The following GBF1 variants were observed in gnomAD, a reference collection of about 807,000 sequenced individuals.
GBF1 encodes golgi brefeldin A resistant guanine nucleotide exchange factor 1, also known as Golgi-specific brefeldin A-resistance guanine nucleotide exchange factor 1.
A neutral mutation model predicts 210.5 loss-of-function variants in GBF1; 114 were observed. The ratio of observed to expected loss-of-function variants is 0.54; its 90% CI spans 0.47 to 0.63. The LOEUF (loss-of-function observed/expected upper bound fraction) is 0.63. GBF1 is among the 30% of genes least tolerant of loss of function. The pLI is 0.00. For missense variants in GBF1, 1,851 were observed against 2,357.7 expected, an observed-to-expected ratio of 0.79 and a Z score of 4.45; for synonymous variants, 850 against 889.2, an observed-to-expected ratio of 0.96 and a Z score of 0.78.
At chr10:102,377,594 C>T (rs998957449) in intron 33 of GBF1, among the ~76,000 whole-genome samples, 1 of 152,126 alleles carries the variant, frequency 6.6e-6, no homozygotes, top group African/African-American at 2.4e-5. Flanking sequence ...ACCTCGTGAT[C>T]CGCCTGCCTC....
intron 3 of GBF1, among the ~76,000 whole-genome samples, chr10:102,331,693 T>G (rs996493798): frequency 6.6e-6 from 1 of 151,850 alleles, no homozygotes; most frequent in African/African-American, 2.4e-5. Flanking sequence ...GTTGTTGTTG[T>G]CTTTTGAGAC....
In GBF1 at chr10:102,363,625, G is replaced by T. The variant is rs2059738689; in HGVS notation, c.2018-85G>T. On this transcript the variant is annotated intron_variant, in intron 16 of 39. Coordinates refer to ENST00000369983, the MANE Select transcript of GBF1 (RefSeq NM_001377137.1). The surrounding 1 kb of genome is among the most constrained non-coding windows in gnomAD (Gnocchi z 4.2). ...TCTGAGGCTCCTTCTTGAAACTGGG[G>T]AGTATATTGGTGACCTTCCAAAAGT... 1.1e-6 allele frequency: 1 copy of T among 898,394 alleles called. No individual in the cohort carries two copies. The highest frequency in any genetic ancestry group is 1.9e-5 in the Admixed American group (1 of 52,010). The allele number at this position is 898,394 out of a possible 1,614,324, so 55.7% of individuals were successfully genotyped here.
intron 4 of GBF1, among the ~76,000 whole-genome samples, chr10:102,350,359 A>T (rs1328805586): frequency 1.3e-5 from 2 of 152,086 alleles, no homozygotes; most frequent in Non-Finnish European, 2.9e-5. Flanking sequence ...CCAAAAAAAA[A>T]AAAAAAGTCT....
In GBF1 at chr10:102,369,251, A is replaced by G. The variant is rs770696398; in HGVS notation, c.3014A>G (p.Lys1005Arg). The G allele has an allele frequency of 3.1e-6, 5 of 1,613,786 alleles. No homozygotes were observed. The highest frequency in any genetic ancestry group is 4.2e-6 in the Non-Finnish European group (5 of 1,179,700). ...CCCAGTGTATTTGGAAGCAACCCTA[A>G]AGCCCATATTGCAGCCAAGACAGTA... Reference protein sequence around the residue: ...NLPSVFGSNPKAHIAAKTVFH... With the variant: ...NLPSVFGSNPRAHIAAKTVFH... Residue 1005 changes from lysine (K) to arginine (R), a missense_variant, in exon 24 of 40, where the codon AAA becomes AGA. Transcript: ENST00000369983.
intron 3 of GBF1, among the ~76,000 whole-genome samples, chr10:102,327,029 A>G (rs2056954518): frequency 6.6e-6 from 1 of 152,146 alleles, no homozygotes; most frequent in Non-Finnish European, 1.5e-5. Context: ...TAAATGTACC[A>G]CGTCACAGCA....
chr10:102,363,285 G>GT lies in GBF1; in HGVS notation c.1907dup (p.Gly637ArgfsTer28). On this transcript the variant is annotated frameshift_variant, in exon 16 of 40. Transcript: ENST00000369983. LOFTEE classifies it high-confidence loss of function. The surrounding 1 kb of genome is among the most constrained non-coding windows in gnomAD (Gnocchi z 4.2). ...GAGAACTGCCAGCGATGGGAAAGCTGTAGGCATGGCCTCAGACATCCCAGG... is the reference window on the plus strand; with the variant it reads ...GAGAACTGCCAGCGATGGGAAAGCTGTTAGGCATGGCCTCAGACATCCCAGG... 1 of 1,613,720 alleles carries GT rather than the reference G, an allele frequency of 6.2e-7. No homozygotes were observed. Among genetic ancestry groups the GT allele is most frequent in the Non-Finnish European group, 8.5e-7 (1 of 1,179,804 alleles).
At chr10:102,350,028 T>C (rs545380543) in intron 4 of GBF1, among the ~76,000 whole-genome samples, 2 of 152,270 alleles carry the variant, frequency 1.3e-5, no homozygotes, top group East Asian at 3.9e-4. Context: ...CTCGTCGTCA[T>C]ATTATTTTAA....
At chr10:102,372,455 T>A (rs1156391883) in intron 29 of GBF1, among the ~76,000 whole-genome samples, 1 of 151,362 alleles carries the variant, frequency 6.6e-6, no homozygotes, top group Admixed American at 6.6e-5. Context: ...GCAGAGGTTG[T>A]AGTAAGCCAA....
Position 102,292,079 on chromosome 10 carries a change from C to T in GBF1, c.163+31963C>T, listed in dbSNP as rs1170155433. On this transcript the variant is annotated intron_variant, in intron 3 of 39. Coordinates refer to ENST00000369983, the MANE Select transcript of GBF1 (RefSeq NM_001377137.1). ...TAATTTTTTGTATTTTTAGTAGAGA[C>T]GGGGTTTCACTGTGTTAGCCAGGAT... Among the ~76,000 whole-genome samples the T allele has an allele frequency of 4.0e-5, 6 of 151,576 alleles. 1 individual carries two copies. The highest frequency in any genetic ancestry group is 2.0e-4 in the Admixed American group (3 of 15,208).
chr10:102,239,790 G>A, the GBF1 span, among the ~76,000 whole-genome samples: 1 of 152,224 alleles, frequency 6.6e-6, no homozygotes, highest in Non-Finnish European at 1.5e-5. Context: ...TAATTGAGCT[G>A]TGGTTAGAAT....
At position 102,362,547 on chromosome 10, in the gene GBF1, G is replaced by A. The variant is rs1010217845; in HGVS notation, c.1759G>A (p.Asp587Asn). The part of the protein sequence containing the change: ...LSLDALLTVI[D>N]STEAHCQAKV... ...TCTTGATGCCCTATTGACAGTGATT[G>A]ACAGCACCGAGGCCCACTGCCAGGC... is the stretch of plus-strand genomic sequence containing the variant. Residue 587 changes from aspartate (D) to asparagine (N), a missense_variant, in exon 15 of 40, where the codon GAC (aspartate) becomes AAC (asparagine). By Grantham distance (23) the Asp-to-Asn change is conservative (BLOSUM62 1). Transcript: ENST00000369983. The A allele has an allele frequency of 4.3e-6, 7 of 1,613,766 alleles. No individual in the cohort carries two copies. In the African/African-American group the frequency reaches 8.0e-5, roughly 18 times the overall value.
At chr10:102,231,131 C>A in the GBF1 span, 1 of 1,492,068 alleles carries the variant, frequency 6.7e-7, no homozygotes, top group Non-Finnish European at 8.9e-7. Flanking sequence ...GCGGTCAGGG[C>A]CCGGGGCCGG....
chr10:102,241,764 C>G (rs1348022437), upstream of GBF1, among the ~76,000 whole-genome samples: 1 of 152,250 alleles, frequency 6.6e-6, no homozygotes. The surrounding 1 kb of genome is among the most constrained non-coding windows in gnomAD (Gnocchi z 6.7). Context: ...GCAGAGACCG[C>G]GCTCCGGCTA....
chr10:102,282,587 C>T (rs1401224475), intron 3 of GBF1, among the ~76,000 whole-genome samples: 1 of 152,134 alleles, frequency 6.6e-6, no homozygotes, highest in Non-Finnish European at 1.5e-5. Context: ...ACCCCTTTCT[C>T]TTTGATTCTG....
chr10:102,356,733 C>T (rs2134931324), intron 8 of GBF1, among the ~76,000 whole-genome samples: 1 of 145,724 alleles, frequency 6.9e-6, no homozygotes, highest in South Asian at 2.2e-4. Context: ...CGCCACTGCA[C>T]TCCAGCCTGG....
In GBF1 at chr10:102,358,582, C is replaced by T; in HGVS notation, c.864C>T (p.Pro288=). ...AAGCTGCCTCAGCAGTGGTCAGTCCCTCTACAGACAGTGGCCTGGAATTCT... is the reference window on the plus strand; with the variant it reads ...AAGCTGCCTCAGCAGTGGTCAGTCCTTCTACAGACAGTGGCCTGGAATTCT... ...SSEAASAVVS[P]STDSGLEFSS... Residue 288 remains proline (P), a synonymous_variant, in exon 10 of 40, where the codon CCC becomes CCT. Coordinates refer to ENST00000369983, the MANE Select transcript of GBF1 (RefSeq NM_001377137.1). 3 of 1,613,978 alleles carry T rather than the reference C, an allele frequency of 1.9e-6. No homozygotes were observed. The highest frequency in any genetic ancestry group is 2.5e-6 in the Non-Finnish European group (3 of 1,179,820).
chr10:102,238,729 C>G, the GBF1 span, among the ~76,000 whole-genome samples: 1 of 152,146 alleles, frequency 6.6e-6, no homozygotes, highest in African/African-American at 2.4e-5. Context: ...AGTGCCTATC[C>G]CCATTACACC....
intron 3 of GBF1, among the ~76,000 whole-genome samples, chr10:102,318,695 C>A (rs1049288072): frequency 2.6e-5 from 4 of 152,128 alleles, no homozygotes; most frequent in Non-Finnish European, 5.9e-5. Flanking sequence ...AAGGTCCCCT[C>A]CCTAAACTCT....
chr10:102,293,947 A>C (rs1258181461), intron 3 of GBF1, among the ~76,000 whole-genome samples: 2 of 150,928 alleles, frequency 1.3e-5, no homozygotes, highest in Non-Finnish European at 3.0e-5. Flanking sequence ...CCAGCTAATT[A>C]TTTGTATTTT....
Sources: allele counts gnomAD v4.1 joint callset (sites outside exome capture counted in the v4.1 genomes callset), GRCh38; gene constraint gnomAD v4.1.1; non-coding constraint Gnocchi (gnomAD v3.1); transcripts MANE v1.5; gene names NCBI Gene and HGNC (gene_info 2026-07-23, HGNC 2026-07-21).